CYP3A5: variants seen among roughly 807,000 people sequenced by gnomAD.
CYP3A5 encodes the protein cytochrome P450 3A5.
A neutral mutation model predicts 55.9 loss-of-function variants in CYP3A5; 51 were observed. The ratio of observed to expected loss-of-function variants is 0.91; its 90% CI spans 0.73 to 1.15. The LOEUF (loss-of-function observed/expected upper bound fraction) is 1.15, where lower values mean the gene tolerates loss of function less well. Among genes scored for constraint, CYP3A5 ranks in the 50% most tolerant of loss-of-function variants. CYP3A5 has a pLI of 0.00. For missense variants in CYP3A5, 533 were observed against 596.6 expected, an observed-to-expected ratio of 0.89 and a Z score of 1.11; for synonymous variants, 196 against 213.9, an observed-to-expected ratio of 0.92 and a Z score of 0.73.
chr7:99,673,764 G>C (rs1563002425), intron 3 of CYP3A5, among the ~76,000 whole-genome samples: 1 of 152,176 alleles, frequency 6.6e-6, no homozygotes. Context: ...AGAAGGGTCT[G>C]AGACAATGCA....
intron 10 of CYP3A5, among the ~76,000 whole-genome samples, chr7:99,657,164 A>G (rs1316700739): frequency 6.6e-6 from 1 of 151,820 alleles, no homozygotes; most frequent in Non-Finnish European, 1.5e-5. Context: ...AGTTCTTTTC[A>G]TTGTGATGTT....
At chr7:99,663,239 A>G in intron 8 of CYP3A5, 2 of 1,051,936 alleles carry the variant, frequency 1.9e-6, no homozygotes, top group Non-Finnish European at 2.3e-6. Flanking sequence ...TTATTCTTCT[A>G]CCTTTTTCTT....
At position 99,667,025 on chromosome 7, in the gene CYP3A5, A is replaced by G. The variant is rs199866223; in HGVS notation, c.359T>C (p.Leu120Ser). The stretch of plus-strand genomic sequence containing the variant: ...TCTCTTCCATTCTTCATCCTCAGCT[A>G]AAGAGATGGCACTTTTCATAAATCC... The part of the protein sequence containing the change: ...PVGFMKSAIS[L>S]AEDEEWKRIR... The change falls in exon 5 of 13, where the codon TTA becomes TCA. Residue 120 changes from leucine (L) to serine (S), a missense_variant. By Grantham distance (145) the Leu-to-Ser change is moderately radical. Transcript: ENST00000222982. The G allele has an allele frequency of 1.2e-6, 2 of 1,614,136 alleles. No individual in the cohort carries two copies. The highest frequency in any genetic ancestry group is 3.3e-5 in the Admixed American group (2 of 60,022).
intron 11 of CYP3A5, among the ~76,000 whole-genome samples, chr7:99,650,951 T>A (rs1439554516): frequency 1.3e-5 from 2 of 152,248 alleles, no homozygotes; most frequent in African/African-American, 4.8e-5. Context: ...TTATTCAAAT[T>A]TGATTTCTAA....
intron 2 of CYP3A5, among the ~76,000 whole-genome samples, chr7:99,675,537 CT>C (rs1213366630): frequency 1.3e-5 from 2 of 151,442 alleles, no homozygotes; most frequent in African/African-American, 4.9e-5. Context: ...TGGACATGAG[CT>C]TGTGACTTTC....
intron 8 of CYP3A5, chr7:99,663,535 C>G (rs774362871): frequency 1.1e-4 from 109 of 992,120 alleles, no homozygotes; most frequent in Non-Finnish European, 1.2e-4. Flanking sequence ...TACATGTCAG[C>G]AGTCGGCAGG....
At chr7:99,652,342 T>A (rs192954567) in intron 11 of CYP3A5, 232 of 407,150 alleles carry the variant, frequency 5.7e-4, no homozygotes, top group Non-Finnish European at 9.2e-4. Context: ...TAATTGATTA[T>A]CTTTGTCTTG....
rs772454706 is a variant in CYP3A5, at chr7:99,664,064, T to C, written c.702A>G (p.Glu234=). ...ILFPFLTPVF[E]ALNVSLFPKD... ...TTGGAAACAGAGAGACATTTAATGC[T>C]TCAAAAACTGGGGTAAGGAATGGAA... Residue 234 remains glutamate (E), a synonymous_variant, in exon 8 of 13, where the codon GAA becomes GAG. Coordinates refer to ENST00000222982, the MANE Select transcript of CYP3A5 (RefSeq NM_000777.5). 2 of 1,594,594 alleles carry C rather than the reference T, an allele frequency of 1.3e-6. No individual in the cohort carries two copies. The highest frequency in any genetic ancestry group is 1.2e-5 in the South Asian group (1 of 85,906).
intron 6 of CYP3A5, 74 bp downstream of exon 6, chr7:99,666,527 G>A (rs1215741726): frequency 4.1e-6 from 6 of 1,473,478 alleles, no homozygotes; most frequent in Non-Finnish European, 5.7e-6. Flanking sequence ...CCAACAGTGC[G>A]ACTGTCGACT....
At position 99,656,705 on chromosome 7, in the gene CYP3A5, T is replaced by C. The variant is rs542134453; in HGVS notation, c.1026+3794A>G. 2.0e-5 allele frequency among the ~76,000 whole-genome samples: 3 copies of C among 152,334 alleles called. No individual in the cohort carries two copies. In the South Asian group the frequency reaches 6.2e-4, roughly 32 times the overall value. On this transcript the variant is annotated intron_variant, in intron 10 of 12. Coordinates refer to ENST00000222982, the MANE Select transcript of CYP3A5 (RefSeq NM_000777.5). The stretch of plus-strand genomic sequence containing the variant: ...GGTAGAATTCGGCGGTGAATCCATC[T>C]GGTCCTGGACTTTTTTTGGTTGGTA...
intron 8 of CYP3A5, chr7:99,663,291 C>G: frequency 1.0e-6 from 1 of 996,858 alleles, no homozygotes; most frequent in Non-Finnish European, 1.2e-6. Context: ...ATTTCCAGAA[C>G]TCATCAGCAG....
rs551610605 is a variant in CYP3A5 at position 99,657,559 on chromosome 7, G to T, written c.1026+2940C>A. Among the ~76,000 whole-genome samples, 237 of 152,318 alleles carry T rather than the reference G, an allele frequency of 1.6e-3. 2 individuals are homozygous for T. Among genetic ancestry groups the T allele is most frequent in the Admixed American group, 3.8e-3 (58 of 15,302 alleles). On this transcript the variant is annotated intron_variant, in intron 10 of 12. Transcript: ENST00000222982. ...TGGTGCTGAAAAGAATGTATATTCT[G>T]TTGATTTGGGGTGGAGAGTTCTGTA...
intron 9 of CYP3A5, 131 bp from the exon 10 acceptor site, chr7:99,660,790 G>T: frequency 9.0e-7 from 1 of 1,114,154 alleles, no homozygotes; most frequent in Non-Finnish European, 1.3e-6. Flanking sequence ...CACACTGGGA[G>T]TGGTTTTCAT....
Position 99,653,477 on chromosome 7 carries a change from A to ATAAG in CYP3A5, c.1027-699_1027-698insCTTA, listed in dbSNP as rs1208107451. Among the ~76,000 whole-genome samples the ATAAG allele has an allele frequency of 6.6e-6, 1 of 151,840 alleles. No homozygotes were observed. Among genetic ancestry groups the ATAAG allele is most frequent in the Non-Finnish European group, 1.5e-5 (1 of 67,964 alleles). On this transcript the variant is annotated intron_variant, in intron 10 of 12. Transcript: ENST00000222982. The surrounding 1 kb of genome is among the most constrained non-coding windows in gnomAD (Gnocchi z 4.2). ...AATAAATAAATAAATAAATAAATAA[A>ATAAG]TAAATAAATTTGTGGATAAACTTGT...
At chr7:99,670,715 C>G (rs951757075) in intron 4 of CYP3A5, among the ~76,000 whole-genome samples, 2 of 152,160 alleles carry the variant, frequency 1.3e-5, no homozygotes, top group Admixed American at 1.3e-4. Context: ...CATGTCATTG[C>G]TTTTTGGCAG....
intron 9 of CYP3A5, 143 bp from the exon 10 acceptor site, chr7:99,660,802 C>T (rs1810363703): frequency 9.3e-6 from 9 of 970,572 alleles, no homozygotes; most frequent in Non-Finnish European, 1.4e-5. Context: ...GGTTTTCATT[C>T]TGATATGTAT....
rs146080704 is a variant in CYP3A5, at chr7:99,654,313, C to T, written c.1027-1534G>A. On this transcript the variant is annotated intron_variant, in intron 10 of 12. Transcript: ENST00000222982. ...GTTCTCATTGTTCAATTCCCACCTA[C>T]GAGTGAGAACATACAGTGTTTGGTT... Among the ~76,000 whole-genome samples, 904 of 152,140 alleles carry T rather than the reference C, an allele frequency of 5.9e-3. 24 individuals are homozygous for T. Among genetic ancestry groups the T allele is most frequent in the Admixed American group, 0.054 (820 of 15,282 alleles).
At chr7:99,648,510 C>T (rs1195815364) in intron 12 of CYP3A5, 110 bp from the exon 13 acceptor site, 8 of 718,112 alleles carry the variant, frequency 1.1e-5, no homozygotes, top group African/African-American at 3.6e-5. Flanking sequence ...CATATAAAAA[C>T]GACTCTTAAC....
rs1236628880 is a variant in CYP3A5 at position 99,679,094 on chromosome 7, G to A, written c.71+732C>T. On this transcript the variant is annotated intron_variant, in intron 1 of 12. Coordinates refer to ENST00000222982, the MANE Select transcript of CYP3A5 (RefSeq NM_000777.5). ...ATATTAATCCTAGCCTCCCAGAGAC[G>A]GGAGGAAAAAGATTAAAGCAAAGAA... 3.3e-5 allele frequency among the ~76,000 whole-genome samples: 5 copies of A among 152,170 alleles called. No individual in the cohort carries two copies. In the South Asian group the frequency reaches 8.3e-4, roughly 25 times the overall value.
Sources: allele counts gnomAD v4.1 joint callset (sites outside exome capture counted in the v4.1 genomes callset), GRCh38; gene constraint gnomAD v4.1.1; non-coding constraint Gnocchi (gnomAD v3.1); transcripts MANE v1.5; gene names NCBI Gene and HGNC (gene_info 2026-07-23, HGNC 2026-07-21).